The following EGFR variants were observed in gnomAD, a reference collection of about 807,000 sequenced individuals.
The protein encoded by EGFR is epidermal growth factor receptor, also known as avian erythroblastic leukemia viral (v-erb-b) oncogene homolog.
A neutral mutation model predicts 143.0 loss-of-function variants in EGFR; 58 were observed. The ratio of observed to expected loss-of-function variants is 0.41; its 90% CI spans 0.33 to 0.50. The LOEUF (loss-of-function observed/expected upper bound fraction) is 0.50, where lower values mean the gene tolerates loss of function less well. Among genes scored for constraint, EGFR ranks in the 20% least tolerant of loss-of-function variants. The pLI, the probability that EGFR is intolerant of heterozygous loss-of-function variation, is 0.39. For missense variants in EGFR, 1,307 were observed against 1,579.0 expected (o/e 0.83, Z 2.92); for synonymous variants, 613 against 594.4 (o/e 1.03, Z -0.45).
chr7:55,036,271 T>G (rs56246439), intron 1 of EGFR, among the ~76,000 whole-genome samples: 320 of 22,298 alleles, frequency 0.014, 1 homozygote, highest in African/African-American at 0.021. Flanking sequence ...TGTGTGTGTG[T>G]GGGGGGGGGG....
chr7:55,162,116 C>T (rs896674734), intron 13 of EGFR, among the ~76,000 whole-genome samples: 10 of 152,156 alleles, frequency 6.6e-5, no homozygotes, highest in African/African-American at 1.9e-4. Context: ...AATATACCCA[C>T]GGACAAAGAA....
chr7:55,109,653 C>A, intron 1 of EGFR: 3 of 816,008 alleles, frequency 3.7e-6, no homozygotes, highest in Non-Finnish European at 4.4e-6. Context: ...AGGCTTAATT[C>A]CAAATTTGCT....
At chr7:55,126,169 G>C (rs1165094835) in intron 1 of EGFR, among the ~76,000 whole-genome samples, 2 of 152,146 alleles carry the variant, frequency 1.3e-5, no homozygotes, top group African/African-American at 4.8e-5. Context: ...TGCACTCTTA[G>C]ATCATCCCCA....
rs950633230 is a variant in EGFR at position 55,151,735 on chromosome 7, G to T, written c.628+373G>T. On this transcript the variant is annotated intron_variant, in intron 5 of 27. Coordinates refer to ENST00000275493, the MANE Select transcript of EGFR (RefSeq NM_005228.5). Reference sequence around the variant, plus strand: ...TAAAAATACAAAAAATTAGCCGGGCGTGGTGGCGGGCGCCTGTAGTCCCAG... The same window carrying T: ...TAAAAATACAAAAAATTAGCCGGGCTTGGTGGCGGGCGCCTGTAGTCCCAG... Among the ~76,000 whole-genome samples the T allele has an allele frequency of 5.3e-5, 8 of 152,240 alleles. No individual in the cohort carries two copies. In the East Asian group the frequency reaches 1.5e-3, roughly 29 times the overall value.
chr7:55,109,809 G>A, intron 1 of EGFR: 2 of 985,404 alleles, frequency 2.0e-6, no homozygotes, highest in Non-Finnish European at 2.4e-6. Context: ...AAAATATAAA[G>A]CCCATCTCCT....
chr7:55,023,195 G>A (rs562371173), intron 1 of EGFR, among the ~76,000 whole-genome samples: 25 of 152,206 alleles, frequency 1.6e-4, no homozygotes, highest in Non-Finnish European at 3.4e-4. Context: ...GTGTGTGCCT[G>A]TGTGTCTGTG....
rs750582201 is a variant in EGFR at position 55,201,191 on chromosome 7, G to A, written c.2950G>A (p.Asp984Asn). The A allele has an allele frequency of 5.0e-6, 8 of 1,614,188 alleles. No homozygotes were observed. The highest frequency in any genetic ancestry group is 6.8e-6 in the Non-Finnish European group (8 of 1,180,040). Residue 984 changes from aspartate (D) to asparagine (N), a missense_variant, in exon 25 of 28, where the codon GAT becomes AAT. Asp to Asn is a conservative substitution (Grantham distance 23). Around this residue, in one of 7 missense-constraint regions of EGFR, gnomAD observed 313 missense variants for 312.3 expected, o/e 1.00. Transcript: ENST00000275493. ...DPQRYLVIQG[D>N]ERMHLPSPTD... ...AGCCTCAAAATCTCTGCACCAGGGG[G>A]ATGAAAGAATGCATTTGCCAAGTCC...
intron 1 of EGFR, among the ~76,000 whole-genome samples, chr7:55,110,952 G>A (rs530215144): frequency 1.3e-5 from 2 of 152,322 alleles, no homozygotes; most frequent in African/African-American, 4.8e-5. Context: ...CTTCCTTCCA[G>A]CGAATGGAGT....
intron 1 of EGFR, among the ~76,000 whole-genome samples, chr7:55,116,965 G>A (rs997400898): frequency 3.9e-5 from 6 of 152,266 alleles, no homozygotes; most frequent in East Asian, 3.9e-4. Flanking sequence ...ATTGTCCCAC[G>A]TGTCCCTGGT....
intron 1 of EGFR, among the ~76,000 whole-genome samples, chr7:55,048,625 C>T (rs1249266640): frequency 2.6e-5 from 4 of 152,192 alleles, no homozygotes; most frequent in African/African-American, 4.8e-5. Flanking sequence ...GGCTGTGTGA[C>T]GTTGGGTATG....
intron 22 of EGFR, 39 bp downstream of exon 22, chr7:55,192,880 G>A (rs1400060546): frequency 2.5e-6 from 4 of 1,579,786 alleles, no homozygotes; most frequent in Non-Finnish European, 3.5e-6. Context: ...TTGTACTGAG[G>A]CCAAGCTGGC....
intron 15 of EGFR, among the ~76,000 whole-genome samples, chr7:55,169,983 T>C (rs905309711): frequency 2.6e-5 from 4 of 152,234 alleles, no homozygotes; most frequent in Non-Finnish European, 5.9e-5. Flanking sequence ...GGTCTGTTCC[T>C]GAGTGACTGC....
intron 19 of EGFR, among the ~76,000 whole-genome samples, chr7:55,179,498 G>C (rs1178806040): frequency 6.6e-6 from 1 of 152,206 alleles, no homozygotes; most frequent in Non-Finnish European, 1.5e-5. Flanking sequence ...TGGGGACAGA[G>C]GTTCTCCCGT....
chr7:55,083,031 A>G (rs531571286), intron 1 of EGFR, among the ~76,000 whole-genome samples: 1 of 151,996 alleles, frequency 6.6e-6, no homozygotes, highest in East Asian at 1.9e-4. Flanking sequence ...CTGTGTTTCC[A>G]TCTCCTTATG....
At chr7:55,140,406 C>T (rs1794394926) in intron 1 of EGFR, among the ~76,000 whole-genome samples, 1 of 152,152 alleles carries the variant, frequency 6.6e-6, no homozygotes, top group African/African-American at 2.4e-5. Context: ...ACCTGGACGA[C>T]AGCCAATCTA....
At chr7:55,031,360 T>C (rs1391483281) in intron 1 of EGFR, among the ~76,000 whole-genome samples, 5 of 152,232 alleles carry the variant, frequency 3.3e-5, no homozygotes, top group African/African-American at 1.2e-4. Flanking sequence ...TTACCTTCAG[T>C]CAACAAAAAT....
intron 1 of EGFR, among the ~76,000 whole-genome samples, chr7:55,095,006 C>G (rs1224396267): frequency 6.6e-6 from 1 of 152,172 alleles, no homozygotes; most frequent in East Asian, 1.9e-4. Flanking sequence ...TGTCAGGGCT[C>G]TCTTATCGCT....
At chr7:55,125,404 T>A (rs1365819002) in intron 1 of EGFR, among the ~76,000 whole-genome samples, 1 of 125,256 alleles carries the variant, frequency 8.0e-6, no homozygotes, top group Non-Finnish European at 1.8e-5. Context: ...TAACTCCATT[T>A]ATCTCAGTTA....
chr7:55,142,192 T>A (rs1211265877), intron 1 of EGFR, 94 bp from the exon 2 acceptor site: 1 of 1,496,566 alleles, frequency 6.7e-7, no homozygotes, highest in Non-Finnish European at 9.3e-7. Context: ...GTGAAGAAAC[T>A]GCTACCCTTA....
Sources: gnomAD v4.1 joint callset for allele counts (sites outside exome capture counted in the v4.1 genomes callset) on GRCh38, gnomAD v4.1.1 for gene constraint, gnomAD v4.1.1 regional missense constraint, MANE v1.5 for transcripts, NCBI Gene and HGNC (gene_info 2026-07-23, HGNC 2026-07-21) for gene names.